The following MYO3A variants were observed in gnomAD, a reference collection of about 807,000 sequenced individuals.
MYO3A encodes myosin IIIA, also known as myosin-IIIa.
Under a neutral mutation model 192.7 loss-of-function variants are expected in MYO3A, and 180 were observed. That is an observed-to-expected ratio of 0.93 (90% CI 0.83 to 1.06). The LOEUF (loss-of-function observed/expected upper bound fraction) is 1.06, where lower values mean the gene tolerates loss of function less well. Among genes scored for constraint, MYO3A ranks in the 50% least tolerant of loss-of-function variants. MYO3A has a pLI of 0.00. For synonymous variants in MYO3A, 628 were observed against 645.3 expected (o/e 0.97, Z 0.41); for missense variants, 1,896 against 1,905.0 (o/e 1.00, Z 0.09).
At chr10:26,072,112 C>T (rs1469451417) in intron 14 of MYO3A, among the ~76,000 whole-genome samples, 1 of 152,080 alleles carries the variant, frequency 6.6e-6, no homozygotes. Context: ...ATGAAACCAT[C>T]AGATCTTGTG....
chr10:26,189,125 C>T (rs1294196361), intron 31 of MYO3A, among the ~76,000 whole-genome samples: 1 of 152,162 alleles, frequency 6.6e-6, no homozygotes, highest in Non-Finnish European at 1.5e-5. Flanking sequence ...ACATTTCATG[C>T]TCATGGGTAG....
rs1177870022 is a variant in MYO3A at position 25,996,485 on chromosome 10, T to C, written c.304-5T>C. 6.2e-7 allele frequency: 1 copy of C among 1,612,202 alleles called. No individual in the cohort carries two copies. ...TAATAGCCATCTTAAAATATTCTTG[T>C]TTAGCTCTGCAGTGGAGGATCAGTG... is the stretch of plus-strand genomic sequence containing the variant. On this transcript the variant is annotated splice_region_variant and splice_polypyrimidine_tract_variant and intron_variant, in intron 4 of 34. Transcript: ENST00000642920.
At chr10:26,078,970 T>C (rs1026221741) in intron 14 of MYO3A, among the ~76,000 whole-genome samples, 3 of 152,170 alleles carry the variant, frequency 2.0e-5, no homozygotes, top group African/African-American at 4.8e-5. Flanking sequence ...CACTGTTGAA[T>C]AGAATGTATA....
intron 4 of MYO3A, among the ~76,000 whole-genome samples, chr10:25,958,021 T>G (rs995546811): frequency 1.3e-5 from 2 of 152,216 alleles, no homozygotes; most frequent in African/African-American, 4.8e-5. Context: ...AAACATTTTC[T>G]CCTATTCTGT....
chr10:25,999,946 A>G (rs1304281150), intron 6 of MYO3A, among the ~76,000 whole-genome samples: 1 of 152,068 alleles, frequency 6.6e-6, no homozygotes, highest in Non-Finnish European at 1.5e-5. Flanking sequence ...CTCCTGCCCT[A>G]GTTCTAGCCC....
At chr10:26,138,019 A>G (rs923089606) in intron 20 of MYO3A, among the ~76,000 whole-genome samples, 2 of 152,200 alleles carry the variant, frequency 1.3e-5, no homozygotes, top group African/African-American at 4.8e-5. Context: ...TTGGACCCTT[A>G]TCAGGAGTTT....
rs966797900 is a variant in MYO3A at position 26,154,916 on chromosome 10, T to C, written c.2793+93T>C. The C allele has an allele frequency of 1.2e-5, 13 of 1,049,430 alleles. No homozygotes were observed. The African/African-American group carries it at 1.9e-4, about 15-fold the overall frequency. The allele number at this position is 1,049,430 out of a possible 1,614,324, so 65.0% of individuals were successfully genotyped here. A position where few individuals can be genotyped will look rare whatever the true frequency, so the allele number is the denominator to read the frequency against. On this transcript the variant is annotated intron_variant, in intron 25 of 34. Transcript: ENST00000642920. ...AAGCCAGTAACACTAGCAAAGAGAA[T>C]GTTTATTGTATTCCATTTACTATTG...
chr10:26,020,320 A>G (rs79663679), intron 7 of MYO3A, among the ~76,000 whole-genome samples: 10,054 of 152,226 alleles, frequency 0.066, 414 homozygotes, highest in Non-Finnish European at 0.094. Flanking sequence ...TTATAACTAA[A>G]CTGTTTCCTG....
chr10:26,205,126 A>G (rs1843853131), intron 34 of MYO3A, among the ~76,000 whole-genome samples: 1 of 152,118 alleles, frequency 6.6e-6, no homozygotes, highest in Non-Finnish European at 1.5e-5. Flanking sequence ...GTGCCTTGTG[A>G]TTTTTTTAAT....
chr10:26,084,337 G>C lies in MYO3A; in HGVS notation c.1360-3866G>C, dbSNP rs189535174. Among the ~76,000 whole-genome samples, 321 of 152,192 alleles carry C rather than the reference G, an allele frequency of 2.1e-3. 1 individual carries two copies. Among genetic ancestry groups the C allele is most frequent in the African/African-American group, 7.2e-3 (300 of 41,530 alleles). On this transcript the variant is annotated intron_variant, in intron 14 of 34. Coordinates refer to ENST00000642920, the MANE Select transcript of MYO3A (RefSeq NM_017433.5). Reference sequence around the variant, plus strand: ...TCTTTTTAATATGTTATTGGATTTGGTTTGCTAATATTTTATTGAGGATTT... The same window carrying C: ...TCTTTTTAATATGTTATTGGATTTGCTTTGCTAATATTTTATTGAGGATTT...
At chr10:26,150,300 T>C (rs1252928531) in intron 23 of MYO3A, among the ~76,000 whole-genome samples, 1 of 152,220 alleles carries the variant, frequency 6.6e-6, no homozygotes, top group East Asian at 1.9e-4. Context: ...TATAGTTTTC[T>C]TATGCTTCAT....
intron 10 of MYO3A, among the ~76,000 whole-genome samples, chr10:26,030,862 G>T (rs1842772528): frequency 6.6e-6 from 1 of 152,140 alleles, no homozygotes; most frequent in Admixed American, 6.5e-5. Flanking sequence ...ATGGATATGA[G>T]AACTTTCTAT....
At chr10:26,029,050 G>C (rs1199451912) in intron 10 of MYO3A, among the ~76,000 whole-genome samples, 1 of 152,096 alleles carries the variant, frequency 6.6e-6, no homozygotes, top group Non-Finnish European at 1.5e-5. Context: ...TGAAAATATA[G>C]TCTGGAACAA....
chr10:26,005,469 A>G (rs1255923003), intron 6 of MYO3A, among the ~76,000 whole-genome samples: 1 of 152,152 alleles, frequency 6.6e-6, no homozygotes, highest in Non-Finnish European at 1.5e-5. Flanking sequence ...TGAAATTTGA[A>G]TGGGCTCTGT....
chr10:26,037,233 C>G (rs1170932675), intron 10 of MYO3A, among the ~76,000 whole-genome samples: 1 of 152,228 alleles, frequency 6.6e-6, no homozygotes, highest in East Asian at 1.9e-4. Flanking sequence ...TTTTACAAAT[C>G]TTAATCATCT....
chr10:25,956,886 T>A lies in MYO3A; in HGVS notation c.303+1878T>A, dbSNP rs116605213. Among the ~76,000 whole-genome samples, 448 of 152,180 alleles carry A rather than the reference T, an allele frequency of 2.9e-3. 1 individual carries two copies. Among genetic ancestry groups the A allele is most frequent in the African/African-American group, 0.01 (432 of 41,520 alleles). On this transcript the variant is annotated intron_variant, in intron 4 of 34. Coordinates refer to ENST00000642920, the MANE Select transcript of MYO3A (RefSeq NM_017433.5). ...TAGTTATTTTTCCTGATCCTCACCA[T>A]CTTCCCACCCTCTACCATCAGGTAT...
chr10:26,088,509 T>G, intron 15 of MYO3A, 104 bp downstream of exon 15: 1 of 1,102,292 alleles, frequency 9.1e-7, no homozygotes, highest in Non-Finnish European at 1.3e-6. Context: ...ATTTATCACT[T>G]ACTATATGCA....
chr10:26,038,827 C>T (rs1427031305), intron 10 of MYO3A, among the ~76,000 whole-genome samples: 1 of 151,956 alleles, frequency 6.6e-6, no homozygotes, highest in Non-Finnish European at 1.5e-5. Context: ...GACATATGTT[C>T]GTTTTATTTT....
At chr10:26,092,326 T>G (rs1588939877) in intron 15 of MYO3A, among the ~76,000 whole-genome samples, 1 of 151,550 alleles carries the variant, frequency 6.6e-6, no homozygotes, top group African/African-American at 2.4e-5. Flanking sequence ...ATTAGCCAGG[T>G]GTGGTGGCAG....
Sources: gnomAD v4.1 joint callset for allele counts (sites outside exome capture counted in the v4.1 genomes callset) on GRCh38, gnomAD v4.1.1 for gene constraint, MANE v1.5 for transcripts, NCBI Gene and HGNC (gene_info 2026-07-23, HGNC 2026-07-21) for gene names.